TP53BP2: variants seen among roughly 807,000 people sequenced by gnomAD.
TP53BP2 encodes apoptosis-stimulating of p53 protein 2.
Under a neutral mutation model 126.2 loss-of-function variants are expected in TP53BP2, and 62 were observed. The observed-to-expected ratio is 0.49, with a 90% CI of 0.40 to 0.61. The LOEUF is 0.61. Among genes scored for constraint, TP53BP2 ranks in the 20% least tolerant of loss-of-function variants. The pLI, the probability that TP53BP2 is intolerant of heterozygous loss-of-function variation, is 0.00. For missense variants in TP53BP2, 1,215 were observed against 1,402.8 expected, an observed-to-expected ratio of 0.87 and a Z score of 2.14; for synonymous variants, 485 against 502.9, an observed-to-expected ratio of 0.96 and a Z score of 0.48.
intron 5 of TP53BP2, 21 bp downstream of exon 5, chr1:223,806,824 CA>C (rs534735699): frequency 2.9e-4 from 454 of 1,539,710 alleles, no homozygotes; most frequent in Admixed American, 5.6e-4. Context: ...CATTCATCTC[CA>C]AAAAAAAAGG....
At chr1:223,811,022 C>A (rs765464731) in intron 3 of TP53BP2, among the ~76,000 whole-genome samples, 1 of 152,044 alleles carries the variant, frequency 6.6e-6, no homozygotes, top group Admixed American at 6.6e-5. Flanking sequence ...TGGTTTATTG[C>A]AAACATTTTG....
intron 1 of TP53BP2, among the ~76,000 whole-genome samples, chr1:223,821,790 C>T (rs7549321): frequency 5.9e-5 from 9 of 152,118 alleles, no homozygotes; most frequent in Admixed American, 2.0e-4. Context: ...GAATGTAACA[C>T]GCTGCTTCTG....
intron 16 of TP53BP2, among the ~76,000 whole-genome samples, chr1:223,785,205 G>A (rs992764805): frequency 2.0e-5 from 3 of 152,158 alleles, no homozygotes; most frequent in Non-Finnish European, 4.4e-5. Flanking sequence ...GAAAATACTT[G>A]CTAGCTTTTG....
At position 223,810,508 on chromosome 1, in the gene TP53BP2, C is replaced by T; in HGVS notation, c.295G>A (p.Gly99Arg). The T allele has an allele frequency of 6.2e-7, 1 of 1,601,762 alleles. No individual in the cohort carries two copies. Among genetic ancestry groups the T allele is most frequent in the Non-Finnish European group, 8.5e-7 (1 of 1,173,822 alleles). Reference sequence around the variant, plus strand: ...AAACTTGGATCCTGAGATCTTGGTCCACTCACTAAGGACAAAATTCAAAAA... The same window carrying T: ...AAACTTGGATCCTGAGATCTTGGTCTACTCACTAAGGACAAAATTCAAAAA... ...ERPPGRDIVS[G>R]PRSQDPSLKR... The change falls in exon 4 of 18, where the codon GGA becomes AGA. Residue 99 changes from glycine to arginine, a missense_variant. Gly to Arg is a moderately radical substitution (Grantham distance 125). Transcript: ENST00000343537.
chr1:223,836,541 A>G (rs533309672), intron 1 of TP53BP2, among the ~76,000 whole-genome samples: 8 of 152,354 alleles, frequency 5.3e-5, no homozygotes, highest in Non-Finnish European at 1.0e-4. Context: ...GAAACTTTCT[A>G]TCTCACTAAA....
intron 10 of TP53BP2, 106 bp downstream of exon 10, chr1:223,800,594 C>CA (rs983574753): frequency 1.2e-6 from 1 of 854,162 alleles, no homozygotes. Flanking sequence ...TTAAAAAAAA[C>CA]AAAAAAAGGA....
intron 16 of TP53BP2, among the ~76,000 whole-genome samples, chr1:223,788,533 A>G (rs1354291487): frequency 6.6e-6 from 1 of 152,258 alleles, no homozygotes. Flanking sequence ...TCAAGAAAAC[A>G]AAAGAGAAAA....
intron 3 of TP53BP2, among the ~76,000 whole-genome samples, chr1:223,813,559 A>G (rs1220298160): frequency 6.6e-6 from 1 of 151,806 alleles, no homozygotes; most frequent in Non-Finnish European, 1.5e-5. Flanking sequence ...CCCCTGTCCC[A>G]CTGAACTCCC....
intron 1 of TP53BP2, among the ~76,000 whole-genome samples, chr1:223,832,244 A>G (rs921569022): frequency 2.6e-5 from 4 of 152,206 alleles, no homozygotes; most frequent in African/African-American, 9.7e-5. Flanking sequence ...CAAATCCTTC[A>G]AGTTTACCTA....
At chr1:223,802,384 T>C (rs1662559260) in intron 8 of TP53BP2, 40 bp from the exon 9 acceptor site, 1 of 1,557,814 alleles carries the variant, frequency 6.4e-7, no homozygotes, top group Non-Finnish European at 8.7e-7. Context: ...TTAAAAATCA[T>C]CTCAGGTGAT....
chr1:223,789,188 T>G lies in TP53BP2; in HGVS notation c.2997-14A>C. ...TGTAATGGAGTCCTGTGAAGCAAGA[T>G]ACGAGGGCTAGAACTGTTTTCCTAA... On this transcript the variant is annotated splice_polypyrimidine_tract_variant and intron_variant, in intron 15 of 17. Coordinates refer to ENST00000343537, the MANE Select transcript of TP53BP2 (RefSeq NM_001031685.3). 3 of 1,613,984 alleles carry G rather than the reference T, an allele frequency of 1.9e-6. No individual in the cohort carries two copies. Among genetic ancestry groups the G allele is most frequent in the Non-Finnish European group, 2.5e-6 (3 of 1,179,874 alleles).
rs749746432 is a variant in TP53BP2, at chr1:223,800,751, T to C, written c.1285A>G (p.Ser429Gly). The C allele has an allele frequency of 2.0e-5, 32 of 1,610,794 alleles. No homozygotes were observed. Among genetic ancestry groups the C allele is most frequent in the South Asian group, 6.6e-5 (6 of 90,298 alleles). ...WSPSNADLFP[S>G]QGSASVPQST... Reference sequence around the variant, plus strand: ...TGAGGTACAGAAGCAGAGCCTTGGCTTGGGAAAAGATCTGCATTTGAAGGA... The same window carrying C: ...TGAGGTACAGAAGCAGAGCCTTGGCCTGGGAAAAGATCTGCATTTGAAGGA... The change falls in exon 10 of 18, where the codon AGC becomes GGC. Residue 429 changes from serine to glycine, a missense_variant. Physicochemically the swap from Ser to Gly is moderately conservative, Grantham distance 56. This residue lies in a region of TP53BP2 where 814 missense variants were observed against 853.0 expected (regional missense o/e 0.95). Transcript: ENST00000343537.
At chr1:223,845,364 G>GT (rs1405843986) in intron 1 of TP53BP2, 1 of 639,714 alleles carries the variant, frequency 1.6e-6, no homozygotes, top group African/African-American at 2.0e-5. Flanking sequence ...AAGACGAAAA[G>GT]TTTGAGTGGC....
chr1:223,786,916 G>A (rs145602904), intron 16 of TP53BP2, among the ~76,000 whole-genome samples: 2 of 146,978 alleles, frequency 1.4e-5, no homozygotes, highest in South Asian at 4.4e-4. Flanking sequence ...TTTTTTGTGA[G>A]ACAAAGTTTC....
At chr1:223,793,262 A>G (rs1662210954) in intron 14 of TP53BP2, 41 bp downstream of exon 14, 1 of 1,442,900 alleles carries the variant, frequency 6.9e-7, no homozygotes, top group East Asian at 2.5e-5. Flanking sequence ...ACAGAGCGAG[A>G]CTCTGACTCA....
intron 1 of TP53BP2, among the ~76,000 whole-genome samples, chr1:223,831,480 A>AAAAATATATATAT (rs1287271743): frequency 3.1e-5 from 1 of 32,464 alleles, no homozygotes; most frequent in Non-Finnish European, 6.5e-5. Flanking sequence ...AAAAAAAAAA[A>AAAAATATATATAT]ATATATATAT....
chr1:223,815,621 G>A (rs1414161952), intron 2 of TP53BP2, among the ~76,000 whole-genome samples: 1 of 152,196 alleles, frequency 6.6e-6, no homozygotes, highest in African/African-American at 2.4e-5. Flanking sequence ...ACATCCCGAT[G>A]GCCCTGTGAT....
At chr1:223,800,251 A>G (rs1048388720) in intron 10 of TP53BP2, among the ~76,000 whole-genome samples, 3 of 151,958 alleles carry the variant, frequency 2.0e-5, no homozygotes, top group Admixed American at 2.0e-4. Context: ...TGTTCTGGAA[A>G]TAAATATTGT....
In TP53BP2 at chr1:223,795,833, C is replaced by G. The variant is rs1181632078; in HGVS notation, c.2706G>C (p.Gly902=). ...SVSMRPPEIT[G]QVSLPPGKRT... ...TACTTACAGGAGGCAGAGAGACCTG[C>G]CCGGTGATTTCAGGCGGGCGCATGC... The change falls in exon 13 of 18, where the codon GGG becomes GGC. Residue 902 remains glycine, a synonymous_variant. Transcript: ENST00000343537. 2 of 1,552,946 alleles carry G rather than the reference C, an allele frequency of 1.3e-6. No individual in the cohort carries two copies. The highest frequency in any genetic ancestry group is 1.4e-5 in the African/African-American group (1 of 72,718).
Sources: gnomAD v4.1 joint callset for allele counts (sites outside exome capture counted in the v4.1 genomes callset) on GRCh38, gnomAD v4.1.1 for gene constraint, gnomAD v4.1.1 regional missense constraint, MANE v1.5 for transcripts, NCBI Gene and HGNC (gene_info 2026-07-23, HGNC 2026-07-21) for gene names.